The following CACNA2D1 variants were observed in gnomAD, a reference collection of about 807,000 sequenced individuals.
The protein encoded by CACNA2D1 is calcium voltage-gated channel auxiliary subunit alpha2delta 1, also known as voltage-dependent calcium channel subunit alpha-2/delta-1.
CACNA2D1 carries 53 observed loss-of-function variants against 171.5 expected under a neutral mutation model. The observed-to-expected ratio is 0.31, with a 90% confidence interval of 0.25 to 0.39. The LOEUF is 0.39. CACNA2D1 is among the 10% of genes least tolerant of loss of function. CACNA2D1 has a pLI of 1.00. For synonymous variants in CACNA2D1, 442 were observed against 443.1 expected, an observed-to-expected ratio of 1.00 and a Z score of 0.03; for missense variants, 903 against 1,299.8, an observed-to-expected ratio of 0.69 and a Z score of 4.69.
chr7:82,034,121 A>C (rs1803027492), intron 11 of CACNA2D1, among the ~76,000 whole-genome samples: 1 of 152,052 alleles, frequency 6.6e-6, no homozygotes, highest in Non-Finnish European at 1.5e-5. Context: ...TTCTTCCATA[A>C]GTCTTCAAAC....
intron 11 of CACNA2D1, among the ~76,000 whole-genome samples, chr7:82,033,593 T>C (rs1802971594): frequency 6.6e-6 from 1 of 152,086 alleles, no homozygotes; most frequent in Non-Finnish European, 1.5e-5. Flanking sequence ...AATGCTCTTT[T>C]GTTCCTTTGT....
rs1811827982 is a variant in CACNA2D1, at chr7:82,292,906, A to C, written c.294+42229T>G. 2.0e-5 allele frequency among the ~76,000 whole-genome samples: 3 copies of C among 152,158 alleles called. No homozygotes were observed. The South Asian group carries it at 6.2e-4, about 31-fold the overall frequency. ...GAATCACAAATACATATGTATGCAT[A>C]TATGTATATGTGAGTATATACAAAT... is the stretch of plus-strand genomic sequence containing the variant. On this transcript the variant is annotated intron_variant, in intron 3 of 38. Transcript: ENST00000356860.
At chr7:82,407,995 A>C (rs1208596657) in intron 1 of CACNA2D1, among the ~76,000 whole-genome samples, 1 of 151,778 alleles carries the variant, frequency 6.6e-6, no homozygotes, top group Admixed American at 6.6e-5. Flanking sequence ...TTGCATTAAA[A>C]GGACTACACA....
chr7:82,188,189 T>C (rs573996739), intron 3 of CACNA2D1, among the ~76,000 whole-genome samples: 3 of 152,180 alleles, frequency 2.0e-5, no homozygotes, highest in South Asian at 2.1e-4. Flanking sequence ...GGTTTCATCA[T>C]AGGAATTTTG....
At chr7:82,233,840 C>T (rs76140917) in intron 3 of CACNA2D1, among the ~76,000 whole-genome samples, 5,622 of 152,140 alleles carry the variant, frequency 0.037, 149 homozygotes, top group Middle Eastern at 0.065. Flanking sequence ...ATTAAACAAT[C>T]TTATATAGCT....
intron 2 of CACNA2D1, among the ~76,000 whole-genome samples, chr7:82,337,583 C>T (rs1042452088): frequency 2.0e-5 from 3 of 152,114 alleles, no homozygotes; most frequent in Admixed American, 6.5e-5. Flanking sequence ...CTTCAGTTTA[C>T]TGTTTTGTAA....
At chr7:81,995,680 T>G (rs979174881) in intron 19 of CACNA2D1, among the ~76,000 whole-genome samples, 8 of 151,686 alleles carry the variant, frequency 5.3e-5, no homozygotes, top group Admixed American at 6.6e-5. Flanking sequence ...GCGCCTGTAA[T>G]CCCAGCTACT....
intron 3 of CACNA2D1, among the ~76,000 whole-genome samples, chr7:82,216,014 C>CA (rs1801060169): frequency 6.6e-6 from 1 of 152,240 alleles, no homozygotes; most frequent in Middle Eastern, 3.4e-3. Flanking sequence ...CTTAACTAGT[C>CA]AAAAATCATT....
intron 3 of CACNA2D1, among the ~76,000 whole-genome samples, chr7:82,306,516 T>C (rs1020066452): frequency 2.6e-5 from 4 of 152,232 alleles, no homozygotes; most frequent in Non-Finnish European, 5.9e-5. Context: ...GCACATGGAC[T>C]ATCCATTGTC....
chr7:82,206,660 AG>A (rs2129215818), intron 3 of CACNA2D1, among the ~76,000 whole-genome samples: 1 of 152,266 alleles, frequency 6.6e-6, no homozygotes, highest in Admixed American at 6.5e-5. Flanking sequence ...TCAAAATGGC[AG>A]GAGGTAACCA....
chr7:82,181,080 G>GTTTTTT (rs1797093992), intron 3 of CACNA2D1, among the ~76,000 whole-genome samples: 1 of 48,960 alleles, frequency 2.0e-5, no homozygotes, highest in Admixed American at 2.9e-4. Context: ...TTTTTTTTGC[G>GTTTTTT]TCAGTGAGAT....
chr7:82,251,375 G>C (rs560991480), intron 3 of CACNA2D1, among the ~76,000 whole-genome samples: 2 of 152,236 alleles, frequency 1.3e-5, no homozygotes, highest in East Asian at 1.9e-4. Context: ...TCTATATCTT[G>C]ATAGTAATTT....
intron 5 of CACNA2D1, among the ~76,000 whole-genome samples, chr7:82,117,441 C>T (rs770016633): frequency 6.6e-6 from 1 of 152,032 alleles, no homozygotes; most frequent in Non-Finnish European, 1.5e-5. Context: ...CTTTGGGGGA[C>T]GAGGGAGACC....
At chr7:82,184,169 C>CTTTTTTTTTTTTTT (rs72155870) in intron 3 of CACNA2D1, among the ~76,000 whole-genome samples, 2 of 127,420 alleles carry the variant, frequency 1.6e-5, no homozygotes, top group Non-Finnish European at 1.6e-5. Flanking sequence ...TCGGTTTCCT[C>CTTTTTTTTTTTTTT]TTTTTTTTTT....
rs114743187 is a variant in CACNA2D1 at position 82,001,193 on chromosome 7, T to C, written c.1591-3943A>G. On this transcript the variant is annotated intron_variant, in intron 18 of 38. Coordinates refer to ENST00000356860, the MANE Select transcript of CACNA2D1 (RefSeq NM_000722.4). ...TATTTGCACTTTGGTACATTTTTAA[T>C]TAGCTAAGGGAAACTTCTTTAACTT... 4.4e-3 allele frequency among the ~76,000 whole-genome samples: 664 copies of C among 152,286 alleles called. 6 individuals carry two copies. Among genetic ancestry groups the C allele is most frequent in the African/African-American group, 0.015 (634 of 41,554 alleles).
In CACNA2D1 at chr7:82,252,321, G is replaced by C. The variant is rs148772579; in HGVS notation, c.295-81712C>G. Among the ~76,000 whole-genome samples, 12 of 152,270 alleles carry C rather than the reference G, an allele frequency of 7.9e-5. No homozygotes were observed. In the East Asian group the frequency reaches 2.3e-3, roughly 29 times the overall value. The stretch of plus-strand genomic sequence containing the variant: ...CACTCATTTTTCCAAAGTAAAGAGA[G>C]GTGAAGTTACTTGCCTTTCAGTAAC... On this transcript the variant is annotated intron_variant, in intron 3 of 38. Transcript: ENST00000356860.
rs1554321660 is a variant in CACNA2D1 at position 81,951,970 on chromosome 7, T to TTTTTTTTTTTTTTTTTG, written c.3160-1463_3160-1462insCAAAAAAAAAAAAAAAA. ...ATTCCCACCAGCAGTGTACAAAGTG[T>TTTTTTTTTTTTTTTTTG]TTTTTTTTTTTTTTTTTTTTTAACC... On this transcript the variant is annotated intron_variant, in intron 38 of 38. Transcript: ENST00000356860. 2.8e-3 allele frequency among the ~76,000 whole-genome samples: 66 copies of TTTTTTTTTTTTTTTTTG among 23,966 alleles called. 2 individuals are homozygous for TTTTTTTTTTTTTTTTTG. The highest frequency in any genetic ancestry group is 4.9e-3 in the South Asian group (3 of 608). The allele number at this position is 23,966 out of a possible 152,430, so 15.7% of individuals were successfully genotyped here.
chr7:82,394,081 G>A (rs996298279), intron 1 of CACNA2D1, among the ~76,000 whole-genome samples: 6 of 152,066 alleles, frequency 3.9e-5, no homozygotes, highest in Non-Finnish European at 7.4e-5. Flanking sequence ...TATTAAGTTC[G>A]CCAATAGAGG....
intron 3 of CACNA2D1, among the ~76,000 whole-genome samples, chr7:82,251,715 T>C (rs900314014): frequency 3.9e-5 from 6 of 152,210 alleles, no homozygotes; most frequent in African/African-American, 1.4e-4. Flanking sequence ...TGAAAATCTT[T>C]TTCCAGCTTT....
Sources: allele counts gnomAD v4.1 joint callset (sites outside exome capture counted in the v4.1 genomes callset), GRCh38; gene constraint gnomAD v4.1.1; transcripts MANE v1.5; gene names NCBI Gene and HGNC (gene_info 2026-07-23, HGNC 2026-07-21).